The following PDE4B variants were observed in gnomAD, a reference collection of about 807,000 sequenced individuals.
PDE4B encodes the protein 3',5'-cyclic-AMP phosphodiesterase 4B.
In PDE4B, 20 loss-of-function variants were observed where a neutral mutation model predicts 82.2. The observed-to-expected ratio is 0.24, with a 90% CI of 0.17 to 0.35. PDE4B has a LOEUF of 0.35. PDE4B is among the 10% of genes least tolerant of loss of function. The pLI is 1.00. For missense variants in PDE4B, 655 were observed against 907.2 expected, an observed-to-expected ratio of 0.72 and a Z score of 3.57; for synonymous variants, 320 against 318.9, an observed-to-expected ratio of 1.00 and a Z score of -0.04.
chr1:66,069,260 G>T (rs1334926571), intron 3 of PDE4B, among the ~76,000 whole-genome samples: 2 of 151,944 alleles, frequency 1.3e-5, no homozygotes, highest in African/African-American at 4.8e-5. Context: ...TCCAAGGAAA[G>T]CATGTCTTTC....
At chr1:65,949,214 AC>A (rs1300847868) in intron 3 of PDE4B, among the ~76,000 whole-genome samples, 3 of 152,064 alleles carry the variant, frequency 2.0e-5, no homozygotes, top group Admixed American at 2.0e-4. Context: ...GGTCCTTCTG[AC>A]CTTATTGCCT....
chr1:66,092,340 A>G (rs1034865150), intron 3 of PDE4B, among the ~76,000 whole-genome samples: 3 of 152,026 alleles, frequency 2.0e-5, no homozygotes, highest in African/African-American at 7.2e-5. Flanking sequence ...CCTACAGCAT[A>G]CAGTATATAC....
At chr1:66,291,007 T>C (rs1657033674) in intron 7 of PDE4B, among the ~76,000 whole-genome samples, 1 of 152,158 alleles carries the variant, frequency 6.6e-6, no homozygotes, top group South Asian at 2.1e-4. Flanking sequence ...GGGTACCTCC[T>C]CTACCTAAGA....
chr1:66,245,109 A>C (rs558796290), intron 3 of PDE4B, among the ~76,000 whole-genome samples: 2 of 152,350 alleles, frequency 1.3e-5, no homozygotes, highest in Non-Finnish European at 2.9e-5. Context: ...AGTGGTATTC[A>C]TAATATTTAA....
At chr1:66,056,479 A>C (rs1655298438) in intron 3 of PDE4B, among the ~76,000 whole-genome samples, 1 of 142,578 alleles carries the variant, frequency 7.0e-6, no homozygotes, top group Non-Finnish European at 1.5e-5. Context: ...CTATCTATCT[A>C]TCTATCATCT....
Position 66,157,424 on chromosome 1 carries a change from C to G in PDE4B, c.282-90036C>G, listed in dbSNP as rs575196691. Among the ~76,000 whole-genome samples, 6 of 152,254 alleles carry G rather than the reference C, an allele frequency of 3.9e-5. No individual in the cohort carries two copies. In the South Asian group the frequency reaches 1.0e-3, roughly 26 times the overall value. On this transcript the variant is annotated intron_variant, in intron 3 of 16. Transcript: ENST00000341517. The stretch of plus-strand genomic sequence containing the variant: ...TATTCCCTTTACATTCTGATGAAAA[C>G]CCAGTTTTTTCTAGAACTTATAGAC...
intron 3 of PDE4B, among the ~76,000 whole-genome samples, chr1:66,068,576 G>A (rs1248398200): frequency 6.6e-6 from 1 of 151,812 alleles, no homozygotes; most frequent in African/African-American, 2.4e-5. Context: ...ATCCTGGATT[G>A]GGGCAATAAA....
At chr1:66,370,568 C>A (rs1377040896) in intron 16 of PDE4B, among the ~76,000 whole-genome samples, 1 of 152,178 alleles carries the variant, frequency 6.6e-6, no homozygotes, top group Non-Finnish European at 1.5e-5. Context: ...CTGGTATTTC[C>A]CACCAATGGG....
intron 3 of PDE4B, among the ~76,000 whole-genome samples, chr1:66,236,155 G>T (rs757094398): frequency 1.8e-4 from 27 of 151,680 alleles, no homozygotes; most frequent in Non-Finnish European, 3.5e-4. Context: ...CATTTCCTTT[G>T]TTAGCTTATT....
At chr1:65,893,776 G>T (rs778256905) in intron 1 of PDE4B, among the ~76,000 whole-genome samples, 3 of 152,122 alleles carry the variant, frequency 2.0e-5, no homozygotes, top group Non-Finnish European at 2.9e-5. Flanking sequence ...TAAAGAAATT[G>T]TGGTATATAT....
intron 3 of PDE4B, among the ~76,000 whole-genome samples, chr1:65,999,705 C>T (rs1371233008): frequency 1.3e-5 from 2 of 152,082 alleles, no homozygotes; most frequent in African/African-American, 4.8e-5. Context: ...ATCTGCCATC[C>T]CTGCTAAATT....
intron 3 of PDE4B, among the ~76,000 whole-genome samples, chr1:65,970,903 G>A (rs4607852): frequency 1 from 151,168 of 151,894 alleles, 75,227 homozygotes; most frequent in Middle Eastern, 1. Flanking sequence ...TGAGGCCAAA[G>A]GAAAACCCGG....
chr1:66,100,713 G>A (rs79083827), intron 3 of PDE4B, among the ~76,000 whole-genome samples: 1,865 of 152,212 alleles, frequency 0.012, 43 homozygotes, highest in African/African-American at 0.044. Flanking sequence ...CATTATTGCT[G>A]AATAAAGATG....
chr1:65,911,133 C>G (rs986413577), intron 1 of PDE4B, among the ~76,000 whole-genome samples: 14 of 152,086 alleles, frequency 9.2e-5, no homozygotes, highest in African/African-American at 3.4e-4. Context: ...AAATTTATTT[C>G]CATGGCTAAG....
chr1:66,198,822 CGTT>C (rs1197858072), intron 3 of PDE4B, among the ~76,000 whole-genome samples: 1 of 150,972 alleles, frequency 6.6e-6, no homozygotes, highest in African/African-American at 2.4e-5. Flanking sequence ...CATGTGTTCT[CGTT>C]GTTCAATTCC....
intron 3 of PDE4B, among the ~76,000 whole-genome samples, chr1:66,231,302 G>A (rs1168165799): frequency 6.6e-6 from 1 of 152,222 alleles, no homozygotes; most frequent in African/African-American, 2.4e-5. Flanking sequence ...TAATCCATCT[G>A]TGAGTCAGAA....
intron 3 of PDE4B, among the ~76,000 whole-genome samples, chr1:66,182,524 T>C (rs1647089592): frequency 6.6e-6 from 1 of 151,422 alleles, no homozygotes; most frequent in African/African-American, 2.5e-5. Flanking sequence ...GGGAAAAAGC[T>C]GAAGAGATAA....
At chr1:66,182,190 A>G (rs1385863556) in intron 3 of PDE4B, among the ~76,000 whole-genome samples, 1 of 152,124 alleles carries the variant, frequency 6.6e-6, no homozygotes, top group Admixed American at 6.6e-5. Context: ...GTCAGTTGTC[A>G]CAGGGTTTTT....
rs570670547 is a variant in PDE4B, at chr1:66,087,985, T to A, written c.282-159475T>A. 1.8e-3 allele frequency among the ~76,000 whole-genome samples: 273 copies of A among 151,722 alleles called. 1 individual carries two copies. The highest frequency in any genetic ancestry group is 3.4e-3 in the Middle Eastern group (1 of 294). On this transcript the variant is annotated intron_variant, in intron 3 of 16. Transcript: ENST00000341517. Reference sequence around the variant, plus strand: ...TATACATGTGTAACTAACCTGCACATTGTGCACATGTACCCTAAAACTTAA... The same window carrying A: ...TATACATGTGTAACTAACCTGCACAATGTGCACATGTACCCTAAAACTTAA...
Sources: allele counts gnomAD v4.1 joint callset (sites outside exome capture counted in the v4.1 genomes callset), GRCh38; gene constraint gnomAD v4.1.1; transcripts MANE v1.5; gene names NCBI Gene and HGNC (gene_info 2026-07-23, HGNC 2026-07-21).